Variants in TMEM178A observed in about 807,000 individuals in gnomAD.
The protein encoded by TMEM178A is transmembrane protein 178A.
TMEM178A carries 12 observed loss-of-function variants against 29.1 expected under a neutral mutation model. The ratio of observed to expected loss-of-function variants is 0.41; its 90% CI spans 0.26 to 0.67. The LOEUF is 0.67. Among genes scored for constraint, TMEM178A ranks in the 30% least tolerant of loss-of-function variants. TMEM178A has a pLI of 0.29. For synonymous variants in TMEM178A, 210 were observed against 187.2 expected (o/e 1.12, Z -0.99); for missense variants, 366 against 419.1 (o/e 0.87, Z 1.11).
At chr2:39,712,108 C>T (rs1044961095) in intron 3 of TMEM178A, among the ~76,000 whole-genome samples, 1 of 141,054 alleles carries the variant, frequency 7.1e-6, no homozygotes, top group Admixed American at 7.3e-5. Context: ...TTAGTTCTGC[C>T]AGTCAGTTAG....
At chr2:39,732,559 C>T in the TMEM178A span, among the ~76,000 whole-genome samples, 1 of 152,116 alleles carries the variant, frequency 6.6e-6, no homozygotes, top group Admixed American at 6.6e-5. Context: ...ATGGTCAAGC[C>T]CTCAGAAGCA....
intron 1 of TMEM178A, among the ~76,000 whole-genome samples, chr2:39,693,683 A>C (rs1053683759): frequency 2.0e-5 from 3 of 152,190 alleles, no homozygotes; most frequent in Non-Finnish European, 4.4e-5. Context: ...AGCCACATAA[A>C]ATTATATCTT....
Position 39,689,595 on chromosome 2 carries a change from T to C in TMEM178A, c.401-14486T>C, listed in dbSNP as rs569779211. Among the ~76,000 whole-genome samples the C allele has an allele frequency of 3.3e-5, 5 of 152,338 alleles. No individual in the cohort carries two copies. In the South Asian group the frequency reaches 6.2e-4, roughly 19 times the overall value. The stretch of plus-strand genomic sequence containing the variant: ...GAGCAAATAAGGAGTTTTTGTTTAA[T>C]GTGTACAGAGTTTTTGTTTTCAAGA... On this transcript the variant is annotated intron_variant, in intron 1 of 3. Coordinates refer to ENST00000281961, the MANE Select transcript of TMEM178A (RefSeq NM_152390.3).
intron 2 of TMEM178A, among the ~76,000 whole-genome samples, chr2:39,705,156 C>T (rs185083958): frequency 2.0e-5 from 3 of 152,338 alleles, no homozygotes; most frequent in Admixed American, 2.0e-4. Context: ...AGAACCTTAG[C>T]TCTTTAATAG....
chr2:39,734,770 C>T, the TMEM178A span, among the ~76,000 whole-genome samples: 1 of 152,186 alleles, frequency 6.6e-6, no homozygotes, highest in South Asian at 2.1e-4. Context: ...TGCAGCCTTT[C>T]CTCTCTTAGT....
chr2:39,708,943 G>A (rs1672182636), intron 3 of TMEM178A, among the ~76,000 whole-genome samples: 1 of 152,192 alleles, frequency 6.6e-6, no homozygotes, highest in African/African-American at 2.4e-5. Context: ...GGCATTAACA[G>A]TTTCACACAG....
the TMEM178A span, among the ~76,000 whole-genome samples, chr2:39,724,586 C>T: frequency 6.6e-6 from 1 of 152,156 alleles, no homozygotes; most frequent in Non-Finnish European, 1.5e-5. Context: ...TTTATTATAT[C>T]TCAAGGAAAG....
chr2:39,717,365 C>G lies in TMEM178A; in HGVS notation c.*114C>G, dbSNP rs1055381540. 4.9e-6 allele frequency: 7 copies of G among 1,423,328 alleles called. No individual in the cohort carries two copies. In the African/African-American group the frequency reaches 5.8e-5, roughly 12 times the overall value. 88.2% of individuals were successfully genotyped at this position (1,423,328 alleles called of 1,614,324 possible). On this transcript the variant is annotated 3_prime_UTR_variant, in exon 4 of 4. Coordinates refer to ENST00000281961, the MANE Select transcript of TMEM178A (RefSeq NM_152390.3). The stretch of plus-strand genomic sequence containing the variant: ...CATTCCAACCTGTTGCCTGCCAGCC[C>G]TTTCTGGATTACTGATAGAAAATCA...
intron 1 of TMEM178A, among the ~76,000 whole-genome samples, chr2:39,693,788 T>A (rs1671425141): frequency 6.6e-6 from 1 of 152,202 alleles, no homozygotes; most frequent in Non-Finnish European, 1.5e-5. Flanking sequence ...GAATCTGATT[T>A]AAAATTTTAA....
chr2:39,665,824 G>C (rs1670117961), upstream of TMEM178A: 1 of 722,894 alleles, frequency 1.4e-6, no homozygotes. Flanking sequence ...GGAGCGAGCC[G>C]GGCCGGGCTC....
intron 1 of TMEM178A, chr2:39,698,006 C>T (rs941072695): frequency 3.9e-5 from 6 of 152,252 alleles, no homozygotes; most frequent in Admixed American, 2.6e-4. Flanking sequence ...GATGAAGCCA[C>T]TGAGTCAGCC....
At chr2:39,726,805 G>T in the TMEM178A span, among the ~76,000 whole-genome samples, 2 of 152,116 alleles carry the variant, frequency 1.3e-5, no homozygotes, top group Non-Finnish European at 2.9e-5. Context: ...GTAAGGGTTG[G>T]GGGTGGGTAA....
intron 3 of TMEM178A, among the ~76,000 whole-genome samples, chr2:39,713,319 T>TA (rs1318166425): frequency 3.9e-5 from 6 of 152,150 alleles, no homozygotes; most frequent in Admixed American, 6.5e-5. Flanking sequence ...CTAAAACCTA[T>TA]AAAAAAGCTA....
At chr2:39,672,222 A>G (rs977536100) in intron 1 of TMEM178A, among the ~76,000 whole-genome samples, 3 of 152,252 alleles carry the variant, frequency 2.0e-5, no homozygotes, top group Non-Finnish European at 4.4e-5. Flanking sequence ...TACTATCTGC[A>G]CACAGGAATT....
At chr2:39,673,115 T>C (rs1263934744) in intron 1 of TMEM178A, among the ~76,000 whole-genome samples, 1 of 152,234 alleles carries the variant, frequency 6.6e-6, no homozygotes. Flanking sequence ...TCACAGATTA[T>C]TCATGCCAGC....
intron 1 of TMEM178A, among the ~76,000 whole-genome samples, chr2:39,700,501 G>A (rs914898036): frequency 9.2e-5 from 14 of 151,980 alleles, no homozygotes; most frequent in Middle Eastern, 3.4e-3. Context: ...TCATCTTTCA[G>A]TTATGGTTTT....
chr2:39,686,398 G>A (rs956762394), intron 1 of TMEM178A, among the ~76,000 whole-genome samples: 2 of 152,004 alleles, frequency 1.3e-5, no homozygotes, highest in Non-Finnish European at 2.9e-5. Context: ...AATGTCTTCA[G>A]AATTCTCTTA....
rs1313893713 is a variant in TMEM178A at position 39,666,149 on chromosome 2, C to T, written c.175C>T (p.Leu59=). The change falls in exon 1 of 4, where the codon CTG becomes TTG. Residue 59 remains leucine (L), a synonymous_variant. Coordinates refer to ENST00000281961, the MANE Select transcript of TMEM178A (RefSeq NM_152390.3). ...GADPPDQKNR[L]MPLSHLPLRD... The stretch of plus-strand genomic sequence containing the variant: ...CGACCCCCCGGACCAGAAGAACCGC[C>T]TGATGCCGCTGTCGCACCTGCCGCT... The T allele has an allele frequency of 2.6e-6, 4 of 1,513,386 alleles. No homozygotes were observed. Among genetic ancestry groups the T allele is most frequent in the Non-Finnish European group, 3.5e-6 (4 of 1,137,358 alleles). 93.7% of individuals were successfully genotyped at this position (1,513,386 alleles called of 1,614,324 possible).
chr2:39,698,079 G>T (rs541557731), intron 1 of TMEM178A: 16 of 152,280 alleles, frequency 1.1e-4, no homozygotes, highest in African/African-American at 3.1e-4. Flanking sequence ...GCACATGTTG[G>T]TTCTAAATTG....
Sources: gnomAD v4.1 joint callset for allele counts (sites outside exome capture counted in the v4.1 genomes callset) on GRCh38, gnomAD v4.1.1 for gene constraint, MANE v1.5 for transcripts, NCBI Gene and HGNC (gene_info 2026-07-23, HGNC 2026-07-21) for gene names.